Variants in BCAS3 observed in about 807,000 individuals in gnomAD.
BCAS3 encodes BCAS4/BCAS3 fusion.
BCAS3 carries 53 observed loss-of-function variants against 116.1 expected under a neutral mutation model. That is an observed-to-expected ratio of 0.46 (90% CI 0.37 to 0.57). The LOEUF is 0.57. Among genes scored for constraint, BCAS3 ranks in the 20% least tolerant of loss-of-function variants. The pLI, the probability that BCAS3 is intolerant of heterozygous loss-of-function variation, is 0.00. For missense variants in BCAS3, 917 were observed against 1,165.4 expected (o/e 0.79, Z 3.10); for synonymous variants, 391 against 408.2 (o/e 0.96, Z 0.51).
In BCAS3 at chr17:61,205,130, T is replaced by C. The variant is rs1178555653; in HGVS notation, c.2425+120566T>C. ...TCCACACTAAGTAAGAAGTATTATT[T>C]TTCTCATTTCTACCTATGAAAAAAA... is the stretch of plus-strand genomic sequence containing the variant. On this transcript the variant is annotated intron_variant, in intron 22 of 23. Coordinates refer to ENST00000407086, the MANE Select transcript of BCAS3 (RefSeq NM_017679.5). This position sits in a 1 kb window ranked among gnomAD's most constrained non-coding sequence, Gnocchi z 5.2. Among the ~76,000 whole-genome samples the C allele has an allele frequency of 6.6e-6, 1 of 152,172 alleles. No homozygotes were observed. The highest frequency in any genetic ancestry group is 1.5e-5 in the Non-Finnish European group (1 of 68,028).
chr17:61,338,231 G>A (rs2056873990), intron 22 of BCAS3, among the ~76,000 whole-genome samples: 1 of 152,234 alleles, frequency 6.6e-6, no homozygotes, highest in South Asian at 2.1e-4. Flanking sequence ...TTCAGTTGAA[G>A]AAGTTAATTC....
chr17:60,978,430 A>C (rs1364679916), intron 14 of BCAS3, among the ~76,000 whole-genome samples: 2 of 150,484 alleles, frequency 1.3e-5, no homozygotes, highest in Non-Finnish European at 2.9e-5. Flanking sequence ...AGGTTGCGAA[A>C]ATTTTCTCCC....
At position 61,266,598 on chromosome 17, in the gene BCAS3, T is replaced by C. The variant is rs375997935; in HGVS notation, c.2426-101729T>C. 6.6e-5 allele frequency among the ~76,000 whole-genome samples: 10 copies of C among 152,316 alleles called. No individual in the cohort carries two copies. In the East Asian group the frequency reaches 1.9e-3, roughly 29 times the overall value. ...GGCTTAGGAAAATTTTCCTGCCTAG[T>C]GTCCTCAGGGTTTACCAAGCTGACC... On this transcript the variant is annotated intron_variant, in intron 22 of 23. Coordinates refer to ENST00000407086, the MANE Select transcript of BCAS3 (RefSeq NM_017679.5).
intron 5 of BCAS3, among the ~76,000 whole-genome samples, chr17:60,712,808 G>T (rs1451474239): frequency 6.6e-6 from 1 of 152,194 alleles, no homozygotes; most frequent in Non-Finnish European, 1.5e-5. Flanking sequence ...CTTACATAGT[G>T]CTCTCTTCAT....
rs2057550735 is a variant in BCAS3 at position 61,347,187 on chromosome 17, G to A, written c.2426-21140G>A. Among the ~76,000 whole-genome samples, 1 of 152,088 alleles carries A rather than the reference G, an allele frequency of 6.6e-6. No homozygotes were observed. The highest frequency in any genetic ancestry group is 2.4e-5 in the African/African-American group (1 of 41,392). On this transcript the variant is annotated intron_variant, in intron 22 of 23. Transcript: ENST00000407086. The surrounding 1 kb of genome is among the most constrained non-coding windows in gnomAD (Gnocchi z 4.3). ...CCTCCAGGGTTCAAGCGATTCTCCT[G>A]CCTCCCGCCTCAGCCTCCCGAGTAG...
chr17:61,164,967 A>G (rs1438953735), intron 22 of BCAS3, among the ~76,000 whole-genome samples: 1 of 151,928 alleles, frequency 6.6e-6, no homozygotes, highest in Non-Finnish European at 1.5e-5. Context: ...AAGGTGAACA[A>G]ACAAACAAAC....
intron 14 of BCAS3, among the ~76,000 whole-genome samples, chr17:60,966,365 C>A (rs988644404): frequency 6.6e-6 from 1 of 152,122 alleles, no homozygotes; most frequent in African/African-American, 2.4e-5. Context: ...TACTGCCATT[C>A]TTTTGCTAGT....
chr17:61,032,870 A>G lies in BCAS3; in HGVS notation c.1638-1796A>G, dbSNP rs1162671373. On this transcript the variant is annotated intron_variant, in intron 16 of 23. Transcript: ENST00000407086. This position sits in a 1 kb window ranked among gnomAD's most constrained non-coding sequence, Gnocchi z 4.6. The stretch of plus-strand genomic sequence containing the variant: ...TAATGAGAAGTGTTTTAAGAAATGT[A>G]AATGGCAGAAGAGGTTTCTTTCATA... 6.6e-6 allele frequency among the ~76,000 whole-genome samples: 1 copy of G among 152,212 alleles called. No individual in the cohort carries two copies. The highest frequency in any genetic ancestry group is 1.5e-5 in the Non-Finnish European group (1 of 68,026).
chr17:61,000,744 G>A (rs750675235), intron 15 of BCAS3, among the ~76,000 whole-genome samples: 3 of 152,070 alleles, frequency 2.0e-5, no homozygotes, highest in South Asian at 4.2e-4. Context: ...TTCTTTAAAG[G>A]CTTTTAGAAC....
At chr17:61,210,058 G>A (rs1034069656) in intron 22 of BCAS3, among the ~76,000 whole-genome samples, 2 of 152,162 alleles carry the variant, frequency 1.3e-5, no homozygotes, top group Admixed American at 1.3e-4. Flanking sequence ...GCCCACGCAG[G>A]GAAGTTCTGC....
intron 14 of BCAS3, among the ~76,000 whole-genome samples, chr17:60,954,802 T>C (rs2061037714): frequency 6.6e-6 from 1 of 152,222 alleles, no homozygotes; most frequent in African/African-American, 2.4e-5. Flanking sequence ...AGGATTATTA[T>C]ATCTGTTTTA....
At chr17:60,745,265 A>G (rs1434283389) in intron 5 of BCAS3, among the ~76,000 whole-genome samples, 1 of 151,744 alleles carries the variant, frequency 6.6e-6, no homozygotes, top group Non-Finnish European at 1.5e-5. Context: ...TTTAAAATAT[A>G]TTTTTTATTT....
intron 5 of BCAS3, among the ~76,000 whole-genome samples, chr17:60,720,901 T>C (rs1229906103): frequency 6.6e-6 from 1 of 152,196 alleles, no homozygotes; most frequent in African/African-American, 2.4e-5. Flanking sequence ...TAGTGTTTTC[T>C]TGGAGCTGTG....
intron 22 of BCAS3, among the ~76,000 whole-genome samples, chr17:61,197,906 C>A (rs2080579206): frequency 6.6e-6 from 1 of 152,166 alleles, no homozygotes; most frequent in Non-Finnish European, 1.5e-5. Context: ...CTCATGACTT[C>A]TAGATGTGGT....
chr17:61,070,717 T>A (rs971934896), intron 19 of BCAS3, among the ~76,000 whole-genome samples: 1 of 152,156 alleles, frequency 6.6e-6, no homozygotes, highest in African/African-American at 2.4e-5. Context: ...CCACAGATAA[T>A]TTATCCTGTC....
chr17:61,123,087 G>A (rs1003310677), intron 22 of BCAS3, among the ~76,000 whole-genome samples: 6 of 151,836 alleles, frequency 4.0e-5, no homozygotes, highest in Non-Finnish European at 5.9e-5. Context: ...GACTACAGGC[G>A]CCCACCACCA....
chr17:60,947,112 A>T, intron 13 of BCAS3, 107 bp from the exon 14 acceptor site: 1 of 1,155,928 alleles, frequency 8.7e-7, no homozygotes, highest in Non-Finnish European at 1.2e-6. Context: ...AGCCTTGGTA[A>T]TTTTTTTCCC....
At chr17:61,038,700 G>A (rs1366176576) in intron 18 of BCAS3, among the ~76,000 whole-genome samples, 4 of 113,572 alleles carry the variant, frequency 3.5e-5, no homozygotes, top group Non-Finnish European at 6.9e-5. Flanking sequence ...AGACAGTCTC[G>A]CTCTGTTGCC....
intron 15 of BCAS3, among the ~76,000 whole-genome samples, chr17:61,003,075 T>C (rs2064369943): frequency 6.6e-6 from 1 of 151,988 alleles, no homozygotes; most frequent in Non-Finnish European, 1.5e-5. Flanking sequence ...CTTCTGTTTT[T>C]TTCTCAGTTG....
Sources: allele counts gnomAD v4.1 joint callset (sites outside exome capture counted in the v4.1 genomes callset), GRCh38; gene constraint gnomAD v4.1.1; non-coding constraint Gnocchi (gnomAD v3.1); transcripts MANE v1.5; gene names NCBI Gene and HGNC (gene_info 2026-07-23, HGNC 2026-07-21).